ERBB4: variants seen among roughly 807,000 people sequenced by gnomAD.
ERBB4 encodes erb-b2 receptor tyrosine kinase 4, also known as receptor tyrosine-protein kinase erbB-4.
ERBB4 carries 42 observed loss-of-function variants against 158.0 expected under a neutral mutation model. The observed-to-expected ratio is 0.27, with a 90% CI of 0.21 to 0.34. The LOEUF is 0.34. Among genes scored for constraint, ERBB4 ranks in the 10% least tolerant of loss-of-function variants. The pLI, the probability that ERBB4 is intolerant of heterozygous loss-of-function variation, is 1.00. For missense variants in ERBB4, 1,333 were observed against 1,624.1 expected, an observed-to-expected ratio of 0.82 and a Z score of 3.08; for synonymous variants, 583 against 558.7, an observed-to-expected ratio of 1.04 and a Z score of -0.61.
rs1553524037 is a variant in ERBB4, at chr2:211,413,309, A to AAAAAAAAAAAAAAAAACAC, written c.3135+7131_3135+7132insGTGTTTTTTTTTTTTTTTT. 2.1e-4 allele frequency among the ~76,000 whole-genome samples: 20 copies of AAAAAAAAAAAAAAAAACAC among 94,570 alleles called. 1 individual carries two copies. The highest frequency in any genetic ancestry group is 1.2e-3 in the East Asian group (5 of 4,096). 62.0% of individuals were successfully genotyped at this position (94,570 alleles called of 152,430 possible). ...GGACAGAGAGAGACCCTGTCTTAAA[A>AAAAAAAAAAAAAAAAACAC]ACACACACACACACACACACACACA... On this transcript the variant is annotated intron_variant, in intron 25 of 27. Transcript: ENST00000342788.
chr2:211,861,048 TTTATATA>T (rs1559585384), intron 3 of ERBB4, among the ~76,000 whole-genome samples: 3 of 9,494 alleles, frequency 3.2e-4, no homozygotes, highest in East Asian at 2.3e-3. Context: ...TATTTATATA[TTTATATA>T]TATATAAATA....
intron 17 of ERBB4, among the ~76,000 whole-genome samples, chr2:211,625,254 G>C (rs2069797463): frequency 6.6e-6 from 1 of 152,000 alleles, no homozygotes; most frequent in Admixed American, 6.6e-5. Context: ...TATTTTTCCA[G>C]CATAATAATC....
Position 212,102,487 on chromosome 2 carries a change from A to G in ERBB4, c.234+22265T>C, listed in dbSNP as rs1246834897. Among the ~76,000 whole-genome samples the G allele has an allele frequency of 3.3e-5, 5 of 152,240 alleles. No homozygotes were observed. The East Asian group carries it at 9.7e-4, about 29-fold the overall frequency. Reference sequence around the variant, plus strand: ...GGGATAATTCAGTGTATTAAAAGAAAAAAAGTCTCTTTTCAAAGGGAGGAT... The same window carrying G: ...GGGATAATTCAGTGTATTAAAAGAAGAAAAGTCTCTTTTCAAAGGGAGGAT... On this transcript the variant is annotated intron_variant, in intron 2 of 27. Transcript: ENST00000342788.
chr2:211,744,789 T>TG (rs1440451347), intron 5 of ERBB4, among the ~76,000 whole-genome samples: 1 of 152,216 alleles, frequency 6.6e-6, no homozygotes, highest in Non-Finnish European at 1.5e-5. Context: ...TTTCCTTAGC[T>TG]GAGGTGTGGG....
chr2:211,741,047 G>A (rs1239074265), intron 5 of ERBB4, among the ~76,000 whole-genome samples: 1 of 152,156 alleles, frequency 6.6e-6, no homozygotes. Flanking sequence ...TGGTATGTAA[G>A]TGCTTGCTTT....
At chr2:211,997,190 A>G (rs1305751519) in intron 2 of ERBB4, among the ~76,000 whole-genome samples, 1 of 152,168 alleles carries the variant, frequency 6.6e-6, no homozygotes, top group East Asian at 1.9e-4. Context: ...CCTAATATCT[A>G]TCAAAAAGAT....
chr2:212,424,905 GTCT>G (rs1199490176), intron 1 of ERBB4, among the ~76,000 whole-genome samples: 2 of 151,930 alleles, frequency 1.3e-5, no homozygotes, highest in Non-Finnish European at 2.9e-5. Context: ...ATTAATTGTG[GTCT>G]TCTACTGGAG....
chr2:211,727,805 C>T (rs1365406918), intron 5 of ERBB4, among the ~76,000 whole-genome samples: 3 of 151,896 alleles, frequency 2.0e-5, no homozygotes, highest in Admixed American at 1.3e-4. Flanking sequence ...ATACAAACAT[C>T]AAATAAAGTT....
At chr2:211,978,342 C>A (rs1025444589) in intron 2 of ERBB4, among the ~76,000 whole-genome samples, 1 of 151,664 alleles carries the variant, frequency 6.6e-6, no homozygotes, top group South Asian at 2.1e-4. Context: ...GAAGGTGGAG[C>A]CAGAAAGTGA....
intron 1 of ERBB4, among the ~76,000 whole-genome samples, chr2:212,438,651 G>A (rs2092188471): frequency 6.6e-6 from 1 of 151,994 alleles, no homozygotes; most frequent in African/African-American, 2.4e-5. Context: ...TGGAAGAACT[G>A]AGTAAATGCA....
chr2:212,189,416 C>T (rs893700670), intron 1 of ERBB4, among the ~76,000 whole-genome samples: 1 of 152,200 alleles, frequency 6.6e-6, no homozygotes, highest in African/African-American at 2.4e-5. Flanking sequence ...TATTTCAAGA[C>T]TTCTGTCAGC....
At chr2:211,871,172 A>T (rs1276873702) in intron 3 of ERBB4, among the ~76,000 whole-genome samples, 1 of 152,156 alleles carries the variant, frequency 6.6e-6, no homozygotes, top group Non-Finnish European at 1.5e-5. Flanking sequence ...AGGATAATAC[A>T]CTGCATACAG....
intron 20 of ERBB4, among the ~76,000 whole-genome samples, chr2:211,513,049 C>T (rs2125618464): frequency 6.6e-6 from 1 of 151,962 alleles, no homozygotes; most frequent in African/African-American, 2.4e-5. Context: ...TGGAGATCTA[C>T]CTCTTAGGGT....
chr2:212,304,340 A>C (rs1342703009), intron 1 of ERBB4, among the ~76,000 whole-genome samples: 5 of 151,580 alleles, frequency 3.3e-5, no homozygotes, highest in Admixed American at 2.6e-4. Flanking sequence ...ACATTCTAAT[A>C]AACTAGTAAC....
Position 212,060,856 on chromosome 2 carries a change from T to A in ERBB4, c.234+63896A>T, listed in dbSNP as rs188056330. On this transcript the variant is annotated intron_variant, in intron 2 of 27. Coordinates refer to ENST00000342788, the MANE Select transcript of ERBB4 (RefSeq NM_005235.3). ...GGATACCATTAGGAGATATACCTAA[T>A]GTAAATGAGGAGTTAAAGAGTGCAG... Among the ~76,000 whole-genome samples the A allele has an allele frequency of 4.9e-3, 735 of 150,994 alleles. 5 individuals are homozygous for A. The highest frequency in any genetic ancestry group is 5.1e-3 in the African/African-American group (211 of 41,356).
At chr2:212,229,311 A>G (rs1472940926) in intron 1 of ERBB4, among the ~76,000 whole-genome samples, 1 of 152,196 alleles carries the variant, frequency 6.6e-6, no homozygotes, top group Admixed American at 6.5e-5. Context: ...AAAAACAAAA[A>G]GATGCCTCGG....
intron 20 of ERBB4, among the ~76,000 whole-genome samples, chr2:211,499,415 C>A (rs1319034205): frequency 6.6e-6 from 1 of 151,822 alleles, no homozygotes; most frequent in African/African-American, 2.4e-5. Context: ...TCCAGCTACT[C>A]GAGAGGCTGA....
chr2:212,003,116 G>A (rs5005262), intron 2 of ERBB4, among the ~76,000 whole-genome samples: 1,065 of 15,380 alleles, frequency 0.069, 7 homozygotes, highest in Middle Eastern at 0.13. Context: ...AAAGAAAGAA[G>A]GAAGGAAGGA....
chr2:211,579,050 A>G, intron 19 of ERBB4, among the ~76,000 whole-genome samples: 1 of 152,156 alleles, frequency 6.6e-6, no homozygotes, highest in East Asian at 1.9e-4. Context: ...AAATCTATCC[A>G]TTTGGCAAAG....
Sources: gnomAD v4.1 joint callset for allele counts (sites outside exome capture counted in the v4.1 genomes callset) on GRCh38, gnomAD v4.1.1 for gene constraint, MANE v1.5 for transcripts, NCBI Gene and HGNC (gene_info 2026-07-23, HGNC 2026-07-21) for gene names.